VEGFA: variants seen among roughly 807,000 people sequenced by gnomAD.
VEGFA encodes vascular endothelial growth factor A.
Under a neutral mutation model 49.7 loss-of-function variants are expected in VEGFA, and 20 were observed. That is an observed-to-expected ratio of 0.40 (90% confidence interval 0.28 to 0.58). VEGFA has a LOEUF of 0.58. VEGFA is among the 20% of genes least tolerant of loss of function. The probability of loss-of-function intolerance (pLI) is 0.40; values close to 1 mark genes in which losing one functional copy is unlikely to be tolerated. For missense variants in VEGFA, 505 were observed against 553.5 expected (o/e 0.91, Z 0.88); for synonymous variants, 219 against 223.4 (o/e 0.98, Z 0.18).
At chr6:43,779,477 T>C in intron 5 of VEGFA, 2 of 366,732 alleles carry the variant, frequency 5.5e-6, no homozygotes, top group Non-Finnish European at 1.1e-5. Flanking sequence ...TGCTCCGTGT[T>C]AAGGGGCAGG....
In VEGFA at chr6:43,777,749, G is replaced by T. The variant is rs758701845; in HGVS notation, c.855+84G>T. On this transcript the variant is annotated intron_variant, in intron 3 of 7. Coordinates refer to ENST00000672860, the MANE Select transcript of VEGFA (RefSeq NM_003376.6). The surrounding 1 kb of genome is among the most constrained non-coding windows in gnomAD (Gnocchi z 4.3). ...AACAGGTGGTCCCAGGTCGTTTCCT[G>T]GCTAGATTTGCCTTGTCTGGCTCCT... 16 of 1,451,154 alleles carry T rather than the reference G, an allele frequency of 1.1e-5. No individual in the cohort carries two copies. The South Asian group carries it at 2.0e-4, about 19-fold the overall frequency. 89.9% of individuals were successfully genotyped at this position (1,451,154 alleles called of 1,614,324 possible). A position where few individuals can be genotyped will look rare whatever the true frequency, so the allele number is the denominator to read the frequency against.
chr6:43,780,121 T>TCCCTCCCTGGCTCTCATCCTC, intron 5 of VEGFA: 1 of 215,780 alleles, frequency 4.6e-6, no homozygotes, highest in Admixed American at 5.2e-5. Context: ...CCAGTCCAGG[T>TCCCTCCCTGGCTCTCATCCTC]CGTGCTGAGC....
rs1278594233 is a variant in VEGFA, at chr6:43,774,360, T to C, written c.626T>C (p.Met209Thr). 8.1e-6 allele frequency: 13 copies of C among 1,614,164 alleles called. No homozygotes were observed. The highest frequency in any genetic ancestry group is 1.1e-5 in the South Asian group (1 of 91,088). Residue 209 changes from methionine to threonine, a missense_variant, in exon 2 of 8, where the codon ATG becomes ACG. Coordinates refer to ENST00000672860, the MANE Select transcript of VEGFA (RefSeq NM_003376.6). ...CCTCAGTGGTCCCAGGCTGCACCCA[T>C]GGCAGAAGGAGGAGGGCAGAATCAT...
chr6:43,770,714 A>T lies in VEGFA; in HGVS notation c.8A>T (p.Asp3Val). Residue 3 changes from aspartate (D) to valine (V), a missense_variant, in exon 1 of 8, where the codon GAC (aspartate) becomes GTC (valine). Around this residue, in one of 2 missense-constraint regions of VEGFA, gnomAD observed 340 missense variants for 321.8 expected, o/e 1.06. Transcript: ENST00000672860. ...CGCAGCTGACCAGTCGCGCTGACGG[A>T]CAGACAGACAGACACCGCCCCCAGC... 2 of 1,543,158 alleles carry T rather than the reference A, an allele frequency of 1.3e-6. No individual in the cohort carries two copies. The highest frequency in any genetic ancestry group is 1.7e-6 in the Non-Finnish European group (2 of 1,156,606).
chr6:43,780,566 C>T (rs575814622), intron 5 of VEGFA, 166 bp from the exon 6 acceptor site: 2 of 908,800 alleles, frequency 2.2e-6, no homozygotes, highest in Admixed American at 2.1e-5. Flanking sequence ...CCTGTGTGCG[C>T]CCGCGCATGC....
Position 43,770,481 on chromosome 6 carries a change from T to C in VEGFA, c.-226T>C. 1.0e-6 allele frequency: 1 copy of C among 1,001,504 alleles called. No individual in the cohort carries two copies. The highest frequency in any genetic ancestry group is 1.3e-6 in the Non-Finnish European group (1 of 764,736). The allele number at this position is 1,001,504 out of a possible 1,614,324, so 62.0% of individuals were successfully genotyped here. ...CGGGCCGACGGCTTGGGGAGATTGC[T>C]CTACTTCCCCAAATCACTGTGGATT... On this transcript the variant is annotated 5_prime_UTR_variant, in exon 1 of 8. Transcript: ENST00000672860.
chr6:43,782,294 G>A (rs532001610), intron 7 of VEGFA: 27 of 733,810 alleles, frequency 3.7e-5, no homozygotes, highest in Admixed American at 1.4e-4. Context: ...GGTCCAGCCT[G>A]GCGGGGCCTG....
At chr6:43,784,312 G>A (rs1223850954) in intron 7 of VEGFA, 8 of 610,252 alleles carry the variant, frequency 1.3e-5, no homozygotes, top group Non-Finnish European at 2.3e-5. Flanking sequence ...TAGACTGGGA[G>A]CCCCTGAGTG....
At position 43,770,937 on chromosome 6, in the gene VEGFA, C is replaced by T. The variant is rs564227580; in HGVS notation, c.231C>T (p.Ser77=). Residue 77 remains serine (S), a synonymous_variant, in exon 1 of 8, where the codon AGC becomes AGT. Transcript: ENST00000672860. ...TCCGCGCGGGGGAAGCCGAGCCGAG[C>T]GGAGCCGCGAGAAGTGCTAGCTCGG... 1.3e-6 allele frequency: 2 copies of T among 1,544,444 alleles called. No individual in the cohort carries two copies. Among genetic ancestry groups the T allele is most frequent in the African/African-American group, 1.4e-5 (1 of 72,300 alleles).
chr6:43,772,492 C>A (rs541187238), intron 1 of VEGFA, among the ~76,000 whole-genome samples: 70 of 152,278 alleles, frequency 4.6e-4, no homozygotes, highest in African/African-American at 1.5e-3. Flanking sequence ...GAGTCATTGC[C>A]CCACTTTACC....
At position 43,785,712 on chromosome 6, in the gene VEGFA, C is replaced by G. The variant is rs1001985161; in HGVS notation, c.*1150C>G. ...CATCCCCTGGTCCTTCCCTTCCCTT[C>G]CCGAGGCACAGAGAGACAGGGCAGG... On this transcript the variant is annotated 3_prime_UTR_variant, in exon 8 of 8. Coordinates refer to ENST00000672860, the MANE Select transcript of VEGFA (RefSeq NM_003376.6). 1 of 193,930 alleles carries G rather than the reference C, an allele frequency of 5.2e-6. No individual in the cohort carries two copies. Among genetic ancestry groups the G allele is most frequent in the Non-Finnish European group, 1.1e-5 (1 of 93,068 alleles). 12.0% of individuals were successfully genotyped at this position (193,930 alleles called of 1,614,324 possible).
At chr6:43,774,167 G>A in intron 1 of VEGFA, 174 bp from the exon 2 acceptor site, 1 of 688,928 alleles carries the variant, frequency 1.5e-6, no homozygotes, top group Admixed American at 2.1e-5. Flanking sequence ...AGGAGTGGTG[G>A]GCATATTCTG....
At chr6:43,779,070 G>A in intron 5 of VEGFA, 152 bp downstream of exon 5, 1 of 962,190 alleles carries the variant, frequency 1.0e-6, no homozygotes, top group Non-Finnish European at 1.7e-6. Flanking sequence ...CAATGGGATG[G>A]AGCCAACTCC....
intron 5 of VEGFA, chr6:43,779,840 T>C (rs3025010): frequency 0.37 from 147,684 of 403,106 alleles, 27,284 homozygotes; most frequent in South Asian, 0.41. Context: ...TCTCTTGGGC[T>C]TGGCAGGCAT....
Position 43,770,523 on chromosome 6 carries a change from A to G in VEGFA, c.-184A>G. On this transcript the variant is annotated 5_prime_UTR_variant, in exon 1 of 8. Coordinates refer to ENST00000672860, the MANE Select transcript of VEGFA (RefSeq NM_003376.6). ...CTGTGGATTTTGGAAACCAGCAGAA[A>G]GAGGAAAGAGGTAGCAAGAGCTCCA... is the stretch of plus-strand genomic sequence containing the variant. The G allele has an allele frequency of 1.6e-6, 2 of 1,266,876 alleles. No homozygotes were observed. The highest frequency in any genetic ancestry group is 3.1e-5 in the African/African-American group (2 of 64,090). The allele number at this position is 1,266,876 out of a possible 1,614,324, so 78.5% of individuals were successfully genotyped here.
In VEGFA at chr6:43,770,708, T is replaced by TGACG; in HGVS notation, c.6_9dup (p.Arg4_?3). On this transcript the variant is annotated frameshift_variant and start_lost, in exon 1 of 8. Coordinates refer to ENST00000672860, the MANE Select transcript of VEGFA (RefSeq NM_003376.6). LOFTEE classifies it high-confidence loss of function. ...GGATCCCGCAGCTGACCAGTCGCGC[T>TGACG]GACGGACAGACAGACAGACACCGCC... 6.5e-7 allele frequency: 1 copy of TGACG among 1,550,166 alleles called. No individual in the cohort carries two copies. Among genetic ancestry groups the TGACG allele is most frequent in the Non-Finnish European group, 8.6e-7 (1 of 1,160,216 alleles).
intron 4 of VEGFA, 134 bp downstream of exon 4, chr6:43,778,670 G>A (rs1013385971): frequency 1.4e-5 from 15 of 1,079,998 alleles, no homozygotes; most frequent in East Asian, 7.7e-5. Context: ...TTACTTCAAT[G>A]TGCCTCAGTT....
At chr6:43,772,156 A>C in intron 1 of VEGFA, 1 of 805,012 alleles carries the variant, frequency 1.2e-6, no homozygotes, top group Non-Finnish European at 1.5e-6. Flanking sequence ...TACTGTCTCC[A>C]GACCCTACCT....
At chr6:43,771,632 C>T (rs1238770422) in intron 1 of VEGFA, among the ~76,000 whole-genome samples, 1 of 152,134 alleles carries the variant, frequency 6.6e-6, no homozygotes, top group African/African-American at 2.4e-5. Context: ...TTGCCGCTGC[C>T]GGCTGAAGTT....
Sources: allele counts gnomAD v4.1 joint callset (sites outside exome capture counted in the v4.1 genomes callset), GRCh38; gene constraint gnomAD v4.1.1; regional missense constraint gnomAD v4.1.1; non-coding constraint Gnocchi (gnomAD v3.1); transcripts MANE v1.5; gene names NCBI Gene and HGNC (gene_info 2026-07-23, HGNC 2026-07-21).